The following ANKRD18A variants were observed in gnomAD, a reference collection of about 807,000 sequenced individuals.
The protein encoded by ANKRD18A is ankyrin repeat domain 18A.
In ANKRD18A, 72 loss-of-function variants were observed where a neutral mutation model predicts 110.6. That is an observed-to-expected ratio of 0.65 (90% CI 0.54 to 0.79). ANKRD18A has a LOEUF of 0.79. ANKRD18A is among the 30% of genes least tolerant of loss of function. ANKRD18A has a pLI of 0.00. For missense variants in ANKRD18A, 934 were observed against 1,163.3 expected (o/e 0.80, Z 2.87); for synonymous variants, 305 against 410.3 (o/e 0.74, Z 3.10).
chr9:38,586,065 G>T, intron 12 of ANKRD18A, 118 bp downstream of exon 12: 1 of 1,116,676 alleles, frequency 9.0e-7, no homozygotes, highest in Non-Finnish European at 1.3e-6. Flanking sequence ...TAATACCTAG[G>T]TGATGCATTG....
intron 12 of ANKRD18A, among the ~76,000 whole-genome samples, chr9:38,579,148 A>G (rs919861831): frequency 1.3e-5 from 2 of 152,186 alleles, no homozygotes; most frequent in Non-Finnish European, 2.9e-5. Flanking sequence ...GAAGAATGAT[A>G]CTAGCTTCCT....
At position 38,585,946 on chromosome 9, in the gene ANKRD18A, G is replaced by A. The variant is rs1432624516; in HGVS notation, c.2247+237C>T. Among the ~76,000 whole-genome samples the A allele has an allele frequency of 1.9e-4, 29 of 152,170 alleles. 1 individual carries two copies. Among genetic ancestry groups the A allele is most frequent in the Admixed American group, 1.9e-3 (29 of 15,270 alleles). On this transcript the variant is annotated intron_variant, in intron 12 of 15. Transcript: ENST00000399703. ...ACTGCATCTTCTTACTTATAAGTGGGAGCTGAATGATGAGAACACATGGAC... is the reference window on the plus strand; with the variant it reads ...ACTGCATCTTCTTACTTATAAGTGGAAGCTGAATGATGAGAACACATGGAC...
At chr9:38,595,057 G>T (rs185916761) in intron 9 of ANKRD18A, among the ~76,000 whole-genome samples, 5 of 152,256 alleles carry the variant, frequency 3.3e-5, no homozygotes, top group Admixed American at 6.5e-5. Context: ...TTTCCAAGCT[G>T]ATATAGTAAA....
intron 1 of ANKRD18A, among the ~76,000 whole-genome samples, chr9:38,617,383 T>C (rs1825901582): frequency 6.6e-6 from 1 of 152,106 alleles, no homozygotes; most frequent in Non-Finnish European, 1.5e-5. Flanking sequence ...GAGGTTGCAG[T>C]GAGCTGAGAT....
At chr9:38,591,814 A>G (rs1824661937) in intron 10 of ANKRD18A, among the ~76,000 whole-genome samples, 1 of 152,192 alleles carries the variant, frequency 6.6e-6, no homozygotes, top group Non-Finnish European at 1.5e-5. Flanking sequence ...GTAGTACATA[A>G]CCGACATGAC....
downstream of ANKRD18A, among the ~76,000 whole-genome samples, chr9:38,569,655 G>A (rs184374197): frequency 2.6e-3 from 402 of 152,130 alleles, no homozygotes; most frequent in Admixed American, 3.3e-3. Context: ...TTGTGTATGC[G>A]TGTGTGTGTG....
intron 7 of ANKRD18A, 138 bp downstream of exon 7, chr9:38,603,021 G>A (rs1260635219): frequency 5.5e-6 from 7 of 1,274,476 alleles, no homozygotes; most frequent in Non-Finnish European, 7.4e-6. Flanking sequence ...TTTTATCATG[G>A]ATGGGTGAAA....
intron 3 of ANKRD18A, 41 bp downstream of exon 3, chr9:38,615,553 T>C: frequency 6.6e-7 from 1 of 1,521,028 alleles, no homozygotes; most frequent in Non-Finnish European, 8.8e-7. Flanking sequence ...TATGTCAATA[T>C]TAAAACAAAC....
chr9:38,614,224 T>TGTTGTTG (rs1378784849), intron 3 of ANKRD18A, among the ~76,000 whole-genome samples: 17 of 143,098 alleles, frequency 1.2e-4, no homozygotes, highest in African/African-American at 4.5e-4. Context: ...CTGAGGTTTT[T>TGTTGTTG]TTTTTTTTTT....
Position 38,601,125 on chromosome 9 carries a change from A to G in ANKRD18A, c.936+6T>C, listed in dbSNP as rs1055906889. On this transcript the variant is annotated splice_donor_region_variant and intron_variant, in intron 8 of 15. Coordinates refer to ENST00000399703, the MANE Select transcript of ANKRD18A (RefSeq NM_147195.4). ...TATTAAACCAGAAATTTAAATTGTT[A>G]CATACCTGTGGCTGTTTATTTTCAC... is the stretch of plus-strand genomic sequence containing the variant. 1.9e-6 allele frequency: 3 copies of G among 1,551,856 alleles called. No individual in the cohort carries two copies. The highest frequency in any genetic ancestry group is 2.0e-5 in the Admixed American group (1 of 50,988).
chr9:38,567,073 G>C (rs1213485426), downstream of ANKRD18A: 2 of 152,186 alleles, frequency 1.3e-5, no homozygotes, highest in Admixed American at 1.3e-4. Context: ...ACTCTTCACA[G>C]GGTTTGAGGT....
At position 38,572,048 on chromosome 9, in the gene ANKRD18A, A is replaced by T; in HGVS notation, c.2976T>A (p.Cys992Ter). Residue 992 changes from cysteine to a stop codon, truncating the protein, a stop_gained, in exon 16 of 16, where the codon TGT becomes TGA. Coordinates refer to ENST00000399703, the MANE Select transcript of ANKRD18A (RefSeq NM_147195.4). LOFTEE classifies it high-confidence loss of function. ...CKNFLTEVLL[C>*] Reference sequence around the variant, plus strand: ...GAAAGTAGACGGGAGCAAGTGCTCAACATAGCAAAACCTGGAAAGAAAAAG... The same window carrying T: ...GAAAGTAGACGGGAGCAAGTGCTCATCATAGCAAAACCTGGAAAGAAAAAG... 1.3e-6 allele frequency: 2 copies of T among 1,590,708 alleles called. No homozygotes were observed. Among genetic ancestry groups the T allele is most frequent in the Non-Finnish European group, 1.7e-6 (2 of 1,172,774 alleles).
chr9:38,607,018 A>G (rs1825390265), intron 6 of ANKRD18A, among the ~76,000 whole-genome samples: 1 of 152,028 alleles, frequency 6.6e-6, no homozygotes, highest in Non-Finnish European at 1.5e-5. Flanking sequence ...AAACATATAT[A>G]TTTTAAACTG....
At chr9:38,618,557 C>T (rs1231574826) in intron 1 of ANKRD18A, among the ~76,000 whole-genome samples, 2 of 152,114 alleles carry the variant, frequency 1.3e-5, no homozygotes, top group African/African-American at 4.8e-5. Flanking sequence ...GGGTAAAGGG[C>T]ATATACATTT....
chr9:38,588,765 C>T (rs145958417), intron 10 of ANKRD18A, 102 bp from the exon 11 acceptor site: 10,735 of 876,568 alleles, frequency 0.012, 153 homozygotes, highest in African/African-American at 0.056. Context: ...TGTATTTAGG[C>T]GGTTGTATAA....
At chr9:38,576,105 C>T (rs1823884547) in intron 14 of ANKRD18A, among the ~76,000 whole-genome samples, 1 of 152,174 alleles carries the variant, frequency 6.6e-6, no homozygotes, top group African/African-American at 2.4e-5. Context: ...AGAACTACTT[C>T]ACTATAAATA....
At chr9:38,577,674 T>C (rs1216593313) in intron 13 of ANKRD18A, among the ~76,000 whole-genome samples, 193 bp downstream of exon 13, 1 of 152,156 alleles carries the variant, frequency 6.6e-6, no homozygotes, top group East Asian at 1.9e-4. Context: ...CTTTGAAAGA[T>C]TGATTTTGTT....
chr9:38,613,975 A>AG (rs1825747254), intron 3 of ANKRD18A, among the ~76,000 whole-genome samples: 1 of 152,232 alleles, frequency 6.6e-6, no homozygotes, highest in African/African-American at 2.4e-5. Flanking sequence ...GGTGGGAAGC[A>AG]AAAAGTGTTA....
chr9:38,615,326 G>GA (rs1214350402), intron 3 of ANKRD18A, among the ~76,000 whole-genome samples: 4 of 151,620 alleles, frequency 2.6e-5, no homozygotes, highest in East Asian at 1.9e-4. Context: ...ACACTAATTA[G>GA]AAAAAAAATA....
Sources: allele counts gnomAD v4.1 joint callset (sites outside exome capture counted in the v4.1 genomes callset), GRCh38; gene constraint gnomAD v4.1.1; transcripts MANE v1.5; gene names NCBI Gene and HGNC (gene_info 2026-07-23, HGNC 2026-07-21).